The following GDPD1 variants were observed in gnomAD, a reference collection of about 807,000 sequenced individuals.
The protein encoded by GDPD1 is glycerophosphodiester phosphodiesterase domain containing 1, also known as lysophospholipase D GDPD1.
GDPD1 carries 28 observed loss-of-function variants against 45.1 expected under a neutral mutation model. That is an observed-to-expected ratio of 0.62 (90% CI 0.46 to 0.85). The LOEUF is 0.85. Among genes scored for constraint, GDPD1 ranks in the 40% least tolerant of loss-of-function variants. The pLI is 0.00. For synonymous variants in GDPD1, 139 were observed against 131.4 expected, an observed-to-expected ratio of 1.06 and a Z score of -0.40; for missense variants, 256 against 364.8, an observed-to-expected ratio of 0.70 and a Z score of 2.43.
intron 7 of GDPD1, among the ~76,000 whole-genome samples, chr17:59,269,539 C>T (rs1568352292): frequency 6.9e-6 from 1 of 145,588 alleles, no homozygotes; most frequent in Non-Finnish European, 1.5e-5. Flanking sequence ...AACATTTATT[C>T]CTGGCTGGGC....
intron 1 of GDPD1, 105 bp from the exon 2 acceptor site, chr17:59,234,387 C>CCAA: frequency 3.5e-6 from 2 of 566,018 alleles, no homozygotes; most frequent in Non-Finnish European, 6.2e-6. Context: ...TGTCTACCCC[C>CCAA]AAAAAAAAAA....
chr17:59,224,220 G>A (rs1006017165), intron 1 of GDPD1, among the ~76,000 whole-genome samples: 3 of 152,138 alleles, frequency 2.0e-5, no homozygotes, highest in Non-Finnish European at 4.4e-5. Context: ...ATCATTCAAA[G>A]TTCAAGATGG....
At chr17:59,247,753 C>T (rs188315733) in intron 3 of GDPD1, among the ~76,000 whole-genome samples, 1 of 152,090 alleles carries the variant, frequency 6.6e-6, no homozygotes, top group Admixed American at 6.6e-5. Context: ...CCTCAGCCCC[C>T]CCAAATAGCT....
chr17:59,233,909 G>T (rs1425666944), intron 1 of GDPD1, among the ~76,000 whole-genome samples: 2 of 152,076 alleles, frequency 1.3e-5, no homozygotes, highest in Non-Finnish European at 2.9e-5. Flanking sequence ...TTCAAGCTAT[G>T]TGTATGAGGA....
In GDPD1 at chr17:59,274,811, G is replaced by C. The variant is rs989355794; in HGVS notation, c.*1038G>C. Among the ~76,000 whole-genome samples the C allele has an allele frequency of 1.9e-4, 28 of 151,180 alleles. No individual in the cohort carries two copies. Among genetic ancestry groups the C allele is most frequent in the African/African-American group, 6.3e-4 (26 of 41,184 alleles). ...AAAAAAAGAAAAAAAATTGGCAATA[G>C]TCTTCACTGGAATACAATCAATTAG... On this transcript the variant is annotated 3_prime_UTR_variant, in exon 10 of 10. Transcript: ENST00000284116.
chr17:59,260,510 C>G (rs1394123384), intron 6 of GDPD1, among the ~76,000 whole-genome samples: 1 of 151,766 alleles, frequency 6.6e-6, no homozygotes, highest in Non-Finnish European at 1.5e-5. Flanking sequence ...CCACTGCACT[C>G]CAGCCTGGGC....
intron 1 of GDPD1, 145 bp from the exon 2 acceptor site, chr17:59,234,347 T>C (rs576283091): frequency 1.7e-6 from 1 of 583,556 alleles, no homozygotes; most frequent in African/African-American, 2.0e-5. Flanking sequence ...CAAGACTCCG[T>C]CTCAAAAAAA....
At chr17:59,243,894 C>A (rs2047192653) in intron 2 of GDPD1, among the ~76,000 whole-genome samples, 1 of 152,110 alleles carries the variant, frequency 6.6e-6, no homozygotes, top group South Asian at 2.1e-4. Flanking sequence ...CTACAATGTG[C>A]CCAACACCAT....
At position 59,231,058 on chromosome 17, in the gene GDPD1, C is replaced by T. The variant is rs547932703; in HGVS notation, c.143-3434C>T. On this transcript the variant is annotated intron_variant, in intron 1 of 9. Coordinates refer to ENST00000284116, the MANE Select transcript of GDPD1 (RefSeq NM_182569.4). ...TCCGTTATGCTACCAAAAAGGCATG[C>T]ATGGGTCACCAGGGACATCTTTTCT... 2.0e-5 allele frequency among the ~76,000 whole-genome samples: 3 copies of T among 152,264 alleles called. No homozygotes were observed. The East Asian group carries it at 5.8e-4, about 29-fold the overall frequency.
Position 59,262,924 on chromosome 17 carries a change from G to A in GDPD1, c.577-4117G>A, listed in dbSNP as rs1314534378. ...ATTACAGGCATGAGCCACCGTGCCC[G>A]GCCACAGCTTTGTATCTTGATTGCG... is the stretch of plus-strand genomic sequence containing the variant. On this transcript the variant is annotated intron_variant, in intron 6 of 9. Coordinates refer to ENST00000284116, the MANE Select transcript of GDPD1 (RefSeq NM_182569.4). Among the ~76,000 whole-genome samples, 6 of 151,942 alleles carry A rather than the reference G, an allele frequency of 3.9e-5. No homozygotes were observed. In the South Asian group the frequency reaches 1.0e-3, roughly 26 times the overall value.
chr17:59,223,669 C>G (rs1219217642), intron 1 of GDPD1, among the ~76,000 whole-genome samples: 2 of 152,078 alleles, frequency 1.3e-5, no homozygotes, highest in Non-Finnish European at 2.9e-5. Flanking sequence ...AGATATGTGA[C>G]CATTGAAACA....
chr17:59,256,658 C>G (rs369016487), intron 4 of GDPD1, among the ~76,000 whole-genome samples: 1 of 152,032 alleles, frequency 6.6e-6, no homozygotes, highest in Non-Finnish European at 1.5e-5. Context: ...AGAATCAGAT[C>G]GGTGGATTGT....
intron 4 of GDPD1, among the ~76,000 whole-genome samples, chr17:59,251,005 C>T (rs772140894): frequency 2.6e-5 from 4 of 152,118 alleles, no homozygotes; most frequent in Non-Finnish European, 5.9e-5. Flanking sequence ...CACACCTGGC[C>T]AATTTTTGAA....
In GDPD1 at chr17:59,273,682, A is replaced by G; in HGVS notation, c.854A>G (p.Glu285Gly). The change falls in exon 10 of 10, where the codon GAA (glutamate) becomes GGA (glycine). Residue 285 changes from glutamate (E) to glycine (G), a missense_variant. Coordinates refer to ENST00000284116, the MANE Select transcript of GDPD1 (RefSeq NM_182569.4). ...VYIWVLNEEQ[E>G]YKRAFDLGAT... ...ATTTGGGTATTAAATGAAGAACAAG[A>G]ATACAAAAGAGCTTTTGATTTGGGA... is the stretch of plus-strand genomic sequence containing the variant. 6.4e-7 allele frequency: 1 copy of G among 1,563,508 alleles called. No individual in the cohort carries two copies. Among genetic ancestry groups the G allele is most frequent in the East Asian group, 2.3e-5 (1 of 44,002 alleles).
rs368038315 is a variant in GDPD1 at position 59,250,401 on chromosome 17, G to A, written c.367+1616G>A. Among the ~76,000 whole-genome samples, 27 of 151,992 alleles carry A rather than the reference G, an allele frequency of 1.8e-4. No homozygotes were observed. The South Asian group carries it at 5.4e-3, about 30-fold the overall frequency. The stretch of plus-strand genomic sequence containing the variant: ...TTTGAGAGGCCAAGGCGGGAGGGTT[G>A]CTTGAGACCAACAGGTTGAAACCAG... On this transcript the variant is annotated intron_variant, in intron 4 of 9. Transcript: ENST00000284116.
At chr17:59,267,303 C>T (rs1434482249) in intron 7 of GDPD1, 129 bp downstream of exon 7, 3 of 758,850 alleles carry the variant, frequency 4.0e-6, no homozygotes, top group African/African-American at 1.8e-5. Context: ...TATTACCTGA[C>T]CTATATTATG....
intron 6 of GDPD1, 60 bp from the exon 7 acceptor site, chr17:59,266,981 G>A: frequency 7.4e-7 from 1 of 1,351,296 alleles, no homozygotes; most frequent in Middle Eastern, 1.8e-4. Flanking sequence ...GAGTTGTGAA[G>A]TAATCCTCTT....
chr17:59,222,889 C>T (rs1434080975), intron 1 of GDPD1, among the ~76,000 whole-genome samples: 1 of 151,984 alleles, frequency 6.6e-6, no homozygotes, highest in Non-Finnish European at 1.5e-5. Flanking sequence ...TGTTGTTTAC[C>T]GATTTACAAA....
intron 9 of GDPD1, 159 bp downstream of exon 9, chr17:59,272,995 T>C: frequency 6.8e-7 from 1 of 1,480,088 alleles, no homozygotes; most frequent in Non-Finnish European, 9.0e-7. Context: ...TCCTTACACT[T>C]AGCAATAAAG....
Sources: gnomAD v4.1 joint callset for allele counts (sites outside exome capture counted in the v4.1 genomes callset) on GRCh38, gnomAD v4.1.1 for gene constraint, MANE v1.5 for transcripts, NCBI Gene and HGNC (gene_info 2026-07-23, HGNC 2026-07-21) for gene names.